Variants in WWC1 observed in about 807,000 individuals in gnomAD.
WWC1 encodes WW and C2 domain containing 1.
Under a neutral mutation model 138.4 loss-of-function variants are expected in WWC1, and 55 were observed. The ratio of observed to expected loss-of-function variants is 0.40; its 90% CI spans 0.32 to 0.50. WWC1 has a LOEUF of 0.50. Ranked by LOEUF, WWC1 falls within the 20% of genes least tolerant of loss-of-function variation. The pLI, the probability that WWC1 is intolerant of heterozygous loss-of-function variation, is 0.72. For missense variants in WWC1, 1,226 were observed against 1,420.4 expected (o/e 0.86, Z 2.20); for synonymous variants, 524 against 564.9 (o/e 0.93, Z 1.03).
chr5:168,312,815 C>CT lies in WWC1; in HGVS notation c.119+20567dup, dbSNP rs763253959. Among the ~76,000 whole-genome samples the CT allele has an allele frequency of 5.1e-3, 633 of 123,752 alleles. 4 individuals are homozygous for CT. Among genetic ancestry groups the CT allele is most frequent in the East Asian group, 0.016 (68 of 4,142 alleles). 81.2% of individuals were successfully genotyped at this position (123,752 alleles called of 152,430 possible). A position where few individuals can be genotyped will look rare whatever the true frequency, so the allele number is the denominator to read the frequency against. On this transcript the variant is annotated intron_variant, in intron 1 of 22. Transcript: ENST00000265293. ...TCATGGGTGACTGGTATCCTAAGTA[C>CT]TTTTTTTTTTTTTTTTTTTTTTTAG... is the stretch of plus-strand genomic sequence containing the variant.
At chr5:168,356,762 A>G (rs904323588) in intron 1 of WWC1, among the ~76,000 whole-genome samples, 1 of 152,178 alleles carries the variant, frequency 6.6e-6, no homozygotes, top group Non-Finnish European at 1.5e-5. Context: ...TTTGCTACCC[A>G]GTGGGTTATG....
chr5:168,329,181 C>A (rs2152765130), intron 1 of WWC1, among the ~76,000 whole-genome samples: 1 of 152,270 alleles, frequency 6.6e-6, no homozygotes, highest in South Asian at 2.1e-4. Context: ...CACTTGATTG[C>A]ACTGCTGACT....
intron 2 of WWC1, among the ~76,000 whole-genome samples, chr5:168,372,887 A>G (rs1462090773): frequency 6.6e-6 from 1 of 152,246 alleles, no homozygotes; most frequent in Non-Finnish European, 1.5e-5. Context: ...TAAGGCACAT[A>G]GTAGGTGTGA....
chr5:168,343,315 TGC>T (rs1774200013), intron 1 of WWC1, among the ~76,000 whole-genome samples: 1 of 152,218 alleles, frequency 6.6e-6, no homozygotes, highest in African/African-American at 2.4e-5. Flanking sequence ...GCAGGCACTG[TGC>T]TAACTGTGTA....
intron 1 of WWC1, among the ~76,000 whole-genome samples, chr5:168,306,120 G>A (rs552739316): frequency 2.4e-4 from 36 of 152,282 alleles, no homozygotes; most frequent in Admixed American, 7.2e-4. Flanking sequence ...GGAGATGGCC[G>A]GGTGCAGTGG....
At chr5:168,459,032 T>C (rs375723464) in intron 19 of WWC1, among the ~76,000 whole-genome samples, 1 of 151,856 alleles carries the variant, frequency 6.6e-6, no homozygotes, top group East Asian at 1.9e-4. Flanking sequence ...GATGGGAGGA[T>C]CACTTGAGCC....
At chr5:168,359,866 A>C (rs959476984) in intron 1 of WWC1, among the ~76,000 whole-genome samples, 9 of 152,064 alleles carry the variant, frequency 5.9e-5, no homozygotes, top group Non-Finnish European at 1.5e-5. Flanking sequence ...TTGTGCCCTT[A>C]AGAGTGTTAG....
chr5:168,432,998 A>G (rs547900947), intron 15 of WWC1, among the ~76,000 whole-genome samples: 1 of 152,294 alleles, frequency 6.6e-6, no homozygotes, highest in South Asian at 2.1e-4. Context: ...CTTGATCTGC[A>G]TGCGCTATAA....
intron 1 of WWC1, among the ~76,000 whole-genome samples, chr5:168,320,414 T>G (rs773370756): frequency 6.6e-6 from 1 of 152,140 alleles, no homozygotes; most frequent in Non-Finnish European, 1.5e-5. Context: ...AAGGAACTGA[T>G]CTTAGAAGCC....
chr5:168,423,148 C>T (rs868044706), intron 10 of WWC1, among the ~76,000 whole-genome samples: 64 of 106,914 alleles, frequency 6.0e-4, no homozygotes, highest in South Asian at 3.2e-3. Context: ...CCATCCCCCC[C>T]CAAAAAAAAA....
intron 2 of WWC1, among the ~76,000 whole-genome samples, chr5:168,374,058 AAAAAAAG>A (rs1776978855): frequency 6.7e-6 from 1 of 148,782 alleles, no homozygotes; most frequent in African/African-American, 2.5e-5. Context: ...AAAAAAAAAA[AAAAAAAG>A]AGAGAGAGGT....
chr5:168,468,097 T>A, intron 22 of WWC1, 133 bp downstream of exon 22: 1 of 1,435,748 alleles, frequency 7.0e-7, no homozygotes, highest in Non-Finnish European at 9.4e-7. Flanking sequence ...ATGTTCATCC[T>A]CCGCCAAGCC....
At chr5:168,296,077 C>A (rs1180069821) in intron 1 of WWC1, among the ~76,000 whole-genome samples, 1 of 152,202 alleles carries the variant, frequency 6.6e-6, no homozygotes, top group Non-Finnish European at 1.5e-5. Flanking sequence ...CTTTTGTGAG[C>A]TCTAGCGAAG....
chr5:168,371,070 T>C (rs777205665), intron 1 of WWC1, among the ~76,000 whole-genome samples: 15 of 152,206 alleles, frequency 9.9e-5, no homozygotes, highest in Non-Finnish European at 2.1e-4. Context: ...GGAGTCCAAC[T>C]CAAGAAGCAA....
At chr5:168,338,881 A>G (rs1035385943) in intron 1 of WWC1, among the ~76,000 whole-genome samples, 1 of 152,208 alleles carries the variant, frequency 6.6e-6, no homozygotes, top group African/African-American at 2.4e-5. Context: ...TTACAGCTAG[A>G]CAGGAGGAAT....
At chr5:168,446,169 G>A (rs1755240713) in intron 17 of WWC1, among the ~76,000 whole-genome samples, 1 of 127,232 alleles carries the variant, frequency 7.9e-6, no homozygotes, top group African/African-American at 3.0e-5. Flanking sequence ...TGAAAATAAA[G>A]CAATATTATT....
intron 2 of WWC1, among the ~76,000 whole-genome samples, chr5:168,383,049 G>A (rs1044581819): frequency 3.3e-5 from 5 of 151,992 alleles, no homozygotes; most frequent in South Asian, 2.1e-4. Context: ...AGTGGCAGGC[G>A]CCTGTAATCC....
chr5:168,428,193 G>A, intron 12 of WWC1, 52 bp downstream of exon 12: 2 of 1,553,460 alleles, frequency 1.3e-6, no homozygotes, highest in East Asian at 2.3e-5. Context: ...CATGAACTCT[G>A]AATATCCAGA....
intron 10 of WWC1, 131 bp downstream of exon 10, chr5:168,422,228 A>G (rs1283889003): frequency 6.9e-6 from 6 of 874,726 alleles, no homozygotes; most frequent in South Asian, 1.5e-5. Context: ...AAGCATAGCA[A>G]ATGGATTGTC....
Sources: gnomAD v4.1 joint callset for allele counts (sites outside exome capture counted in the v4.1 genomes callset) on GRCh38, gnomAD v4.1.1 for gene constraint, MANE v1.5 for transcripts, NCBI Gene and HGNC (gene_info 2026-07-23, HGNC 2026-07-21) for gene names.